ADA: variants seen among roughly 807,000 people sequenced by gnomAD.
ADA encodes the protein adenosine deaminase, also known as adenosine aminohydrolase.
A neutral mutation model predicts 49.0 loss-of-function variants in ADA; 45 were observed. That is an observed-to-expected ratio of 0.92 (90% CI 0.72 to 1.18). ADA has a LOEUF of 1.18. ADA is among the 50% of genes most tolerant of loss of function. The pLI is 0.00. For synonymous variants in ADA, 173 were observed against 184.2 expected, an observed-to-expected ratio of 0.94 and a Z score of 0.49; for missense variants, 445 against 472.5, an observed-to-expected ratio of 0.94 and a Z score of 0.54.
intron 1 of ADA, among the ~76,000 whole-genome samples, chr20:44,644,382 C>T (rs916582295): frequency 6.6e-6 from 1 of 152,134 alleles, no homozygotes; most frequent in Non-Finnish European, 1.5e-5. Context: ...CCGTTATTTC[C>T]TCGTTTCCCT....
intron 6 of ADA, among the ~76,000 whole-genome samples, chr20:44,623,740 CTTCT>C (rs1309078530): frequency 6.9e-6 from 1 of 145,804 alleles, no homozygotes; most frequent in East Asian, 2.0e-4. Flanking sequence ...TTTTCTCTTT[CTTCT>C]TTCTTCCTTT....
At chr20:44,629,281 G>T in intron 2 of ADA, 112 bp from the exon 3 acceptor site, 4 of 1,480,266 alleles carry the variant, frequency 2.7e-6, no homozygotes, top group Non-Finnish European at 3.7e-6. Flanking sequence ...GACCACAGCA[G>T]GAGACATGGG....
At chr20:44,629,274 CACAGCAGGAG>C in intron 2 of ADA, 105 bp from the exon 3 acceptor site, 9 of 1,533,662 alleles carry the variant, frequency 5.9e-6, no homozygotes, top group Middle Eastern at 2.0e-4. Flanking sequence ...CTTGCAGGAC[CACAGCAGGAG>C]ACATGGGCGT....
At position 44,622,812 on chromosome 20, in the gene ADA, C is replaced by T. The variant is rs1033841912; in HGVS notation, c.780+17G>A. On this transcript the variant is annotated intron_variant, in intron 8 of 11. Coordinates refer to ENST00000372874, the MANE Select transcript of ADA (RefSeq NM_000022.4). Reference sequence around the variant, plus strand: ...GACAGCCGGGGATGGTTCCTCCCCACTCCCTGGCCCGCTTACCTCGAAGTG... The same window carrying T: ...GACAGCCGGGGATGGTTCCTCCCCATTCCCTGGCCCGCTTACCTCGAAGTG... 2 of 1,614,242 alleles carry T rather than the reference C, an allele frequency of 1.2e-6. No homozygotes were observed. Among genetic ancestry groups the T allele is most frequent in the South Asian group, 1.1e-5 (1 of 91,086 alleles).
At chr20:44,643,215 A>G (rs528741361) in intron 1 of ADA, among the ~76,000 whole-genome samples, 7 of 152,342 alleles carry the variant, frequency 4.6e-5, no homozygotes, top group African/African-American at 1.7e-4. Flanking sequence ...GTGCTAGACC[A>G]TCTATATGCA....
intron 2 of ADA, 113 bp downstream of exon 2, chr20:44,636,114 C>T (rs1422194620): frequency 5.8e-6 from 6 of 1,042,798 alleles, no homozygotes; most frequent in Non-Finnish European, 8.7e-6. Context: ...TGGCTTGATT[C>T]CCACAGGGAG....
At chr20:44,647,471 C>T (rs927187170) in intron 1 of ADA, among the ~76,000 whole-genome samples, 2 of 151,962 alleles carry the variant, frequency 1.3e-5, no homozygotes, top group Admixed American at 1.3e-4. Context: ...GCTGTCCCAG[C>T]CTGTACCTGT....
At position 44,623,094 on chromosome 20, in the gene ADA, C is replaced by T. The variant is rs369386306; in HGVS notation, c.607-16G>A. Reference sequence around the variant, plus strand: ...TCACAGCCTCCTGGAAGGGGGAGAGCCAGGTCATGGGTGCCCTAGCGGGAG... The same window carrying T: ...TCACAGCCTCCTGGAAGGGGGAGAGTCAGGTCATGGGTGCCCTAGCGGGAG... On this transcript the variant is annotated splice_polypyrimidine_tract_variant and intron_variant, in intron 6 of 11. Transcript: ENST00000372874. 2 of 1,613,820 alleles carry T rather than the reference C, an allele frequency of 1.2e-6. No homozygotes were observed. Among genetic ancestry groups the T allele is most frequent in the East Asian group, 2.2e-5 (1 of 44,868 alleles).
chr20:44,650,681 G>A (rs533843875), intron 1 of ADA, among the ~76,000 whole-genome samples: 15 of 152,072 alleles, frequency 9.9e-5, no homozygotes, highest in Admixed American at 3.9e-4. Context: ...TGATCCTCCC[G>A]CCTCAGCCTC....
At chr20:44,634,702 G>T (rs921325955) in intron 2 of ADA, among the ~76,000 whole-genome samples, 1 of 152,262 alleles carries the variant, frequency 6.6e-6, no homozygotes. Flanking sequence ...GCAGAAGAAG[G>T]TCCCTGGAAG....
intron 5 of ADA, 72 bp downstream of exon 5, chr20:44,625,497 C>G: frequency 7.3e-7 from 1 of 1,362,490 alleles, no homozygotes; most frequent in South Asian, 1.2e-5. Flanking sequence ...CAGGTACAGC[C>G]CCACTGCTAG....
In ADA at chr20:44,648,500, A is replaced by C. The variant is rs954729424; in HGVS notation, c.33+3075T>G. 2.0e-5 allele frequency among the ~76,000 whole-genome samples: 3 copies of C among 152,064 alleles called. 1 individual carries two copies. Among genetic ancestry groups the C allele is most frequent in the African/African-American group, 7.3e-5 (3 of 41,306 alleles). Reference sequence around the variant, plus strand: ...GAGGCCCTTTGTTTTGGGTTAAATGAAGGTTACTAGGTGGAGATGGTTGGG... The same window carrying C: ...GAGGCCCTTTGTTTTGGGTTAAATGCAGGTTACTAGGTGGAGATGGTTGGG... On this transcript the variant is annotated intron_variant, in intron 1 of 11. Coordinates refer to ENST00000372874, the MANE Select transcript of ADA (RefSeq NM_000022.4).
At chr20:44,643,422 AAAT>A (rs932774872) in intron 1 of ADA, among the ~76,000 whole-genome samples, 4 of 152,192 alleles carry the variant, frequency 2.6e-5, no homozygotes, top group Non-Finnish European at 4.4e-5. Context: ...AATAATACAG[AAAT>A]AATAATAATG....
intron 4 of ADA, among the ~76,000 whole-genome samples, 154 bp from the exon 5 acceptor site, chr20:44,625,838 C>T (rs1174870970): frequency 6.6e-6 from 1 of 152,192 alleles, no homozygotes; most frequent in Non-Finnish European, 1.5e-5. Context: ...CAGAGATGCC[C>T]CCAGGCCCTA....
At chr20:44,644,756 C>T (rs1304451002) in intron 1 of ADA, among the ~76,000 whole-genome samples, 1 of 152,224 alleles carries the variant, frequency 6.6e-6, no homozygotes, top group East Asian at 1.9e-4. Flanking sequence ...CTCATCTAGG[C>T]TCCGCCAGCT....
rs910705003 is a variant in ADA, at chr20:44,631,905, C to T, written c.96-2736G>A. 2.0e-5 allele frequency among the ~76,000 whole-genome samples: 3 copies of T among 152,312 alleles called. No homozygotes were observed. In the East Asian group the frequency reaches 5.8e-4, roughly 29 times the overall value. On this transcript the variant is annotated intron_variant, in intron 2 of 11. Coordinates refer to ENST00000372874, the MANE Select transcript of ADA (RefSeq NM_000022.4). ...GGCATCTCGCGCCACCTTTCCCCTC[C>T]CTCTAGATCACTCCCTTCCTGGGTT...
chr20:44,623,130 G>C, intron 6 of ADA, 52 bp from the exon 7 acceptor site: 1 of 1,611,034 alleles, frequency 6.2e-7, no homozygotes, highest in Non-Finnish European at 8.5e-7. Flanking sequence ...GGCCCCGGCA[G>C]GCCCTGCCTT....
rs200089190 is a variant in ADA at position 44,623,077 on chromosome 20, T to G, written c.608A>C (p.Glu203Ala). 3.2e-5 allele frequency: 51 copies of G among 1,613,894 alleles called. No homozygotes were observed. The highest frequency in any genetic ancestry group is 3.8e-5 in the Non-Finnish European group (45 of 1,179,982). ...LLPGHVQAYQEAVKSGIHRTV... is the reference protein window; with the variant it reads ...LLPGHVQAYQAAVKSGIHRTV... ...ACGGTGAATGCCGCTCTTCACAGCC[T>G]CCTGGAAGGGGGAGAGCCAGGTCAT... is the stretch of plus-strand genomic sequence containing the variant. Residue 203 changes from glutamate (E) to alanine (A), a missense_variant and splice_region_variant, in exon 7 of 12, where the codon GAG becomes GCG. Coordinates refer to ENST00000372874, the MANE Select transcript of ADA (RefSeq NM_000022.4).
At position 44,628,525 on chromosome 20, in the gene ADA, C is replaced by CAATAAATA. The variant is rs3091476; in HGVS notation, c.218+514_218+521dup. Among the ~76,000 whole-genome samples, 991 of 149,356 alleles carry CAATAAATA rather than the reference C, an allele frequency of 6.6e-3. 9 individuals carry two copies. Among genetic ancestry groups the CAATAAATA allele is most frequent in the African/African-American group, 0.017 (698 of 40,246 alleles). ...TGGGCAACAGAGTGAGACTCTGTCT[C>CAATAAATA]AATAAATAAATAAATAAATAAATAA... On this transcript the variant is annotated intron_variant, in intron 3 of 11. Coordinates refer to ENST00000372874, the MANE Select transcript of ADA (RefSeq NM_000022.4).
Sources: gnomAD v4.1 joint callset for allele counts (sites outside exome capture counted in the v4.1 genomes callset) on GRCh38, gnomAD v4.1.1 for gene constraint, MANE v1.5 for transcripts, NCBI Gene and HGNC (gene_info 2026-07-23, HGNC 2026-07-21) for gene names.